The following EPB41 variants were observed in gnomAD, a reference collection of about 807,000 sequenced individuals.
The protein encoded by EPB41 is protein 4.1.
EPB41 carries 65 observed loss-of-function variants against 108.0 expected under a neutral mutation model. The ratio of observed to expected loss-of-function variants is 0.60; its 90% CI spans 0.49 to 0.74. The LOEUF (loss-of-function observed/expected upper bound fraction) is 0.74, where lower values mean the gene tolerates loss of function less well. Ranked by LOEUF, EPB41 falls within the 30% of genes least tolerant of loss-of-function variation. The probability of loss-of-function intolerance (pLI) is 0.00; values close to 1 mark genes in which losing one functional copy is unlikely to be tolerated. For synonymous variants in EPB41, 336 were observed against 358.9 expected (o/e 0.94, Z 0.72); for missense variants, 875 against 1,037.0 (o/e 0.84, Z 2.15).
intron 2 of EPB41, 134 bp from the exon 3 acceptor site, chr1:28,993,196 A>C (rs2096069199): frequency 1.5e-5 from 11 of 722,074 alleles, no homozygotes; most frequent in Non-Finnish European, 9.4e-6. Context: ...TTATAGAAAA[A>C]TATTTAATAT....
upstream of EPB41, among the ~76,000 whole-genome samples, chr1:28,909,995 T>TC (rs760719945): frequency 2.0e-5 from 3 of 151,020 alleles, no homozygotes; most frequent in Non-Finnish European, 4.4e-5. Context: ...GGTGGGAGGA[T>TC]CACATCACTT....
intron 16 of EPB41, among the ~76,000 whole-genome samples, chr1:29,091,088 A>C (rs1661012801): frequency 6.6e-6 from 1 of 152,210 alleles, no homozygotes; most frequent in South Asian, 2.1e-4. Context: ...TTGGAAAAAA[A>C]GAGATTGTTC....
At chr1:29,019,939 C>T (rs1044491672) in intron 7 of EPB41, among the ~76,000 whole-genome samples, 10 of 152,122 alleles carry the variant, frequency 6.6e-5, no homozygotes, top group Admixed American at 1.3e-4. Context: ...GAGAACTGCA[C>T]GTTTGCTTTT....
chr1:28,991,719 A>AAG (rs2096024482), intron 2 of EPB41, among the ~76,000 whole-genome samples: 1 of 148,950 alleles, frequency 6.7e-6, no homozygotes, highest in South Asian at 2.1e-4. Context: ...AAAAAAAAAA[A>AAG]GCAAAAAAAA....
chr1:29,030,330 A>G, intron 7 of EPB41, 70 bp from the exon 8 acceptor site: 2 of 1,160,246 alleles, frequency 1.7e-6, no homozygotes, highest in Non-Finnish European at 1.3e-6. Flanking sequence ...AATACAGTGA[A>G]TATATAAATG....
chr1:29,008,683 G>A (rs574703577), intron 4 of EPB41, among the ~76,000 whole-genome samples: 5 of 152,046 alleles, frequency 3.3e-5, no homozygotes, highest in Admixed American at 6.6e-5. Flanking sequence ...AATGGCTCCC[G>A]CTTGCTAAGA....
At chr1:29,008,487 T>G (rs964497502) in intron 4 of EPB41, among the ~76,000 whole-genome samples, 1 of 152,204 alleles carries the variant, frequency 6.6e-6, no homozygotes, top group Admixed American at 6.5e-5. Flanking sequence ...GTTACACAGC[T>G]GCTAAATGGT....
In EPB41 at chr1:29,025,920, G is replaced by A. The variant is rs141875386; in HGVS notation, c.1125-4480G>A. The stretch of plus-strand genomic sequence containing the variant: ...GGTAGTCATGTGTGGGCACCTGGTG[G>A]TGGGTTTCAGAAGCCAAGCAGAGCA... On this transcript the variant is annotated intron_variant, in intron 7 of 20. Coordinates refer to ENST00000343067, the MANE Select transcript of EPB41 (RefSeq NM_001376013.1). Among the ~76,000 whole-genome samples the A allele has an allele frequency of 7.9e-4, 119 of 150,500 alleles. 2 individuals carry two copies. In the East Asian group the frequency reaches 0.02, roughly 26 times the overall value.
intron 1 of EPB41, chr1:28,890,818 G>T: frequency 1.4e-6 from 1 of 716,334 alleles, no homozygotes; most frequent in Non-Finnish European, 1.7e-6. Context: ...TTTGAACTTA[G>T]GTTCAACTCC....
At chr1:28,946,763 G>A (rs1251961927) in intron 1 of EPB41, among the ~76,000 whole-genome samples, 1 of 152,184 alleles carries the variant, frequency 6.6e-6, no homozygotes, top group Non-Finnish European at 1.5e-5. Context: ...TTATGAAGAA[G>A]ATAGCTGACT....
At position 28,997,264 on chromosome 1, in the gene EPB41, A is replaced by G. The variant is rs373464494; in HGVS notation, c.731A>G (p.Asn244Ser). Reference sequence around the variant, plus strand: ...CTTAAACGAGTATGTGAGCATCTCAATCTTTTGGAAGAAGACTATTTTGGT... The same window carrying G: ...CTTAAACGAGTATGTGAGCATCTCAGTCTTTTGGAAGAAGACTATTTTGGT... The part of the protein sequence containing the change: ...DLLKRVCEHL[N>S]LLEEDYFGLA... The change falls in exon 4 of 21, where the codon AAT becomes AGT. Residue 244 changes from asparagine to serine, a missense_variant. Physicochemically the swap from Asn to Ser is conservative, Grantham distance 46 (BLOSUM62 1). This residue lies in a region of EPB41 where 353 missense variants were observed against 393.2 expected (regional missense o/e 0.90). Transcript: ENST00000343067. 81 of 1,614,206 alleles carry G rather than the reference A, an allele frequency of 5.0e-5. No individual in the cohort carries two copies. Among genetic ancestry groups the G allele is most frequent in the East Asian group, 8.9e-5 (4 of 44,886 alleles).
intron 16 of EPB41, chr1:29,070,597 G>A: frequency 8.1e-7 from 1 of 1,232,046 alleles, no homozygotes; most frequent in Non-Finnish European, 1.0e-6. Flanking sequence ...TGGCTGTTTG[G>A]TGGTTGGTCT....
At chr1:29,064,096 A>G (rs981225981) in intron 15 of EPB41, among the ~76,000 whole-genome samples, 1 of 152,152 alleles carries the variant, frequency 6.6e-6, no homozygotes, top group Non-Finnish European at 1.5e-5. Context: ...AAAAAAATTT[A>G]ATCTGCTGGA....
chr1:28,950,112 G>C (rs547632188), intron 1 of EPB41, among the ~76,000 whole-genome samples: 1 of 152,254 alleles, frequency 6.6e-6, no homozygotes, highest in East Asian at 1.9e-4. Context: ...GTGTGTGTTA[G>C]TGTGTTGGAT....
At chr1:28,941,670 C>A (rs947006236) in intron 1 of EPB41, among the ~76,000 whole-genome samples, 1 of 152,016 alleles carries the variant, frequency 6.6e-6, no homozygotes, top group African/African-American at 2.4e-5. Context: ...CCGAGGCGGG[C>A]GGATCACCTG....
At chr1:29,027,219 T>C (rs956013953) in intron 7 of EPB41, among the ~76,000 whole-genome samples, 5 of 152,138 alleles carry the variant, frequency 3.3e-5, no homozygotes, top group Non-Finnish European at 5.9e-5. Flanking sequence ...GTAACTCACT[T>C]ACAGCCTTAA....
intron 4 of EPB41, among the ~76,000 whole-genome samples, chr1:28,998,315 G>T (rs2096229460): frequency 6.6e-6 from 1 of 152,152 alleles, no homozygotes; most frequent in Admixed American, 6.6e-5. Flanking sequence ...ATCTAGCCTG[G>T]CTGAACATAG....
At chr1:28,984,204 G>T (rs2149478610) in intron 1 of EPB41, among the ~76,000 whole-genome samples, 1 of 152,230 alleles carries the variant, frequency 6.6e-6, no homozygotes, top group East Asian at 1.9e-4. Context: ...ATGGGGTGAG[G>T]TGGGGCCATG....
chr1:28,931,372 T>TAA (rs533690754), intron 1 of EPB41, among the ~76,000 whole-genome samples: 5 of 98,878 alleles, frequency 5.1e-5, no homozygotes, highest in African/African-American at 7.3e-5. Flanking sequence ...ACTCTGTCAT[T>TAA]AAAAAAAAAA....
Sources: gnomAD v4.1 joint callset for allele counts (sites outside exome capture counted in the v4.1 genomes callset) on GRCh38, gnomAD v4.1.1 for gene constraint, gnomAD v4.1.1 regional missense constraint, MANE v1.5 for transcripts, NCBI Gene and HGNC (gene_info 2026-07-23, HGNC 2026-07-21) for gene names.